The following ANKRD11 variants were observed in gnomAD, a reference collection of about 807,000 sequenced individuals.
The protein encoded by ANKRD11 is ankyrin repeat domain 11.
A neutral mutation model predicts 195.7 loss-of-function variants in ANKRD11; 17 were observed. The observed-to-expected ratio is 0.09, with a 90% CI of 0.06 to 0.13. ANKRD11 has a LOEUF of 0.13. Ranked by LOEUF, ANKRD11 falls within the 10% of genes least tolerant of loss-of-function variation. The pLI is 1.00. For synonymous variants in ANKRD11, 1,953 were observed against 1,528.1 expected, an observed-to-expected ratio of 1.28 and a Z score of -6.49; for missense variants, 3,735 against 3,566.1, an observed-to-expected ratio of 1.05 and a Z score of -1.21.
rs377249565 is a variant in ANKRD11 at position 89,280,670 on chromosome 16, G to T, written c.5872C>A (p.Leu1958Ile). The change falls in exon 9 of 13, where the codon CTT (leucine) becomes ATT (isoleucine). Residue 1958 changes from leucine (L) to isoleucine (I), a missense_variant. Physicochemically the swap from Leu to Ile is conservative, Grantham distance 5. Transcript: ENST00000301030. Reference protein sequence around the residue: ...VEWAHPSEQALASSLIGGTSE... With the variant: ...VEWAHPSEQAIASSLIGGTSE... ...GTGCCCCCGATCAGGCTAGAGGCAA[G>T]CGCCTGCTCGGAGGGGTGGGCCCAC... The T allele has an allele frequency of 1.1e-5, 17 of 1,613,430 alleles. No individual in the cohort carries two copies. In the African/African-American group the frequency reaches 2.3e-4, roughly 21 times the overall value.
chr16:89,273,044 C>CAAAAAAAAAA (rs56277527), intron 11 of ANKRD11: 2 of 96,018 alleles, frequency 2.1e-5, no homozygotes, highest in African/African-American at 8.9e-5. Flanking sequence ...TAATGGGTAC[C>CAAAAAAAAAA]AAAAAAAAAA....
chr16:89,269,284 T>C (rs546976588), intron 12 of ANKRD11, among the ~76,000 whole-genome samples: 1 of 151,784 alleles, frequency 6.6e-6, no homozygotes, highest in African/African-American at 2.4e-5. Flanking sequence ...ACCTCCCGAG[T>C]AGCTGGGACT....
chr16:89,323,122 G>A (rs536553528), intron 2 of ANKRD11: 18 of 335,232 alleles, frequency 5.4e-5, no homozygotes, highest in Non-Finnish European at 8.1e-5. Flanking sequence ...GCTGTTGTGC[G>A]CTCCGTGGAA....
At chr16:89,314,180 G>C (rs896346692) in intron 3 of ANKRD11, among the ~76,000 whole-genome samples, 4 of 152,100 alleles carry the variant, frequency 2.6e-5, no homozygotes. Flanking sequence ...GGGTTATGGA[G>C]GGTGCAGAAG....
rs529980944 is a variant in ANKRD11 at position 89,459,178 on chromosome 16, G to C, written c.-145+31067C>G. 9 of 175,316 alleles carry C rather than the reference G, an allele frequency of 5.1e-5. No homozygotes were observed. In the South Asian group the frequency reaches 9.9e-4, roughly 19 times the overall value. The allele number at this position is 175,316 out of a possible 1,614,324, so 10.9% of individuals were successfully genotyped here. On this transcript the variant is annotated intron_variant, in intron 1 of 12. Coordinates refer to ENST00000301030, the MANE Select transcript of ANKRD11 (RefSeq NM_013275.6). ...CCTTCAAGGTTGGGCCAAGAGCATG[G>C]ATGGGAAAGGCAGATGTGCATCTGG... is the stretch of plus-strand genomic sequence containing the variant.
chr16:89,428,425 C>T (rs573816071), intron 1 of ANKRD11, among the ~76,000 whole-genome samples: 1 of 151,962 alleles, frequency 6.6e-6, no homozygotes, highest in Non-Finnish European at 1.5e-5. Flanking sequence ...GCTGGGGAAG[C>T]TGAGGCAGGA....
intron 7 of ANKRD11, chr16:89,287,192 C>T (rs1033042176): frequency 2.9e-5 from 30 of 1,020,012 alleles, no homozygotes; most frequent in Non-Finnish European, 3.6e-5. Context: ...CCACACTCCT[C>T]GGCCCTCCTC....
intron 2 of ANKRD11, among the ~76,000 whole-genome samples, chr16:89,338,424 TAAAA>T (rs397854933): frequency 3.1e-5 from 4 of 127,008 alleles, no homozygotes; most frequent in East Asian, 2.2e-4. Flanking sequence ...TACACTCTGT[TAAAA>T]AAAAAAAAAA....
chr16:89,344,447 C>G (rs2038843424), intron 2 of ANKRD11, among the ~76,000 whole-genome samples: 1 of 152,212 alleles, frequency 6.6e-6, no homozygotes, highest in African/African-American at 2.4e-5. Context: ...GCTGTCCACA[C>G]ACTCCTAGAA....
intron 1 of ANKRD11, among the ~76,000 whole-genome samples, chr16:89,463,746 A>G (rs1342624162): frequency 1.3e-5 from 2 of 152,138 alleles, no homozygotes; most frequent in African/African-American, 4.8e-5. Context: ...AGTATTCCAC[A>G]GCAAATTGTC....
At chr16:89,268,782 T>C in intron 12 of ANKRD11, 119 bp from the exon 13 acceptor site, 1 of 1,201,434 alleles carries the variant, frequency 8.3e-7, no homozygotes, top group South Asian at 1.4e-5. Context: ...TACCCTGGTA[T>C]GGGCCAGGCC....
At chr16:89,394,111 G>C (rs986044860) in intron 2 of ANKRD11, among the ~76,000 whole-genome samples, 1 of 152,144 alleles carries the variant, frequency 6.6e-6, no homozygotes, top group Admixed American at 6.5e-5. Context: ...CACAGTCCCA[G>C]GTTCCAGGCA....
intron 1 of ANKRD11, among the ~76,000 whole-genome samples, chr16:89,421,041 G>A (rs929497681): frequency 6.6e-6 from 1 of 152,376 alleles, no homozygotes; most frequent in South Asian, 2.1e-4. Flanking sequence ...AGACCATGGA[G>A]ACATGAAGGG....
chr16:89,300,712 G>A (rs1296257930), intron 4 of ANKRD11: 4 of 540,468 alleles, frequency 7.4e-6, no homozygotes, highest in Non-Finnish European at 1.3e-5. Context: ...CATGACGTCA[G>A]GAAAAGACTG....
chr16:89,396,652 A>G (rs556024696), intron 2 of ANKRD11, among the ~76,000 whole-genome samples: 6 of 152,214 alleles, frequency 3.9e-5, no homozygotes, highest in East Asian at 1.9e-4. Context: ...GGTTTGTACA[A>G]TTTTAAGGAA....
intron 1 of ANKRD11, among the ~76,000 whole-genome samples, chr16:89,445,436 A>T (rs1203283688): frequency 2.0e-5 from 3 of 152,056 alleles, no homozygotes; most frequent in Admixed American, 2.0e-4. Flanking sequence ...CACACCTCTC[A>T]TGGACGTCAC....
At chr16:89,370,819 A>T (rs1597814615) in intron 2 of ANKRD11, 2 of 151,834 alleles carry the variant, frequency 1.3e-5, no homozygotes, top group Admixed American at 6.6e-5. Flanking sequence ...GCCCCAGACG[A>T]CCCCCAGGCC....
intron 4 of ANKRD11, among the ~76,000 whole-genome samples, chr16:89,302,724 C>T (rs1393911886): frequency 2.0e-5 from 3 of 152,170 alleles, no homozygotes; most frequent in African/African-American, 7.2e-5. Context: ...ACAAATACTA[C>T]GTTTCTTAGG....
intron 1 of ANKRD11, among the ~76,000 whole-genome samples, chr16:89,441,746 A>G (rs569955740): frequency 5.9e-4 from 80 of 135,850 alleles, no homozygotes; most frequent in African/African-American, 1.1e-3. Flanking sequence ...CAGCCTGGGC[A>G]ACAGAGCGAG....
Sources: gnomAD v4.1 joint callset for allele counts (sites outside exome capture counted in the v4.1 genomes callset) on GRCh38, gnomAD v4.1.1 for gene constraint, MANE v1.5 for transcripts, NCBI Gene and HGNC (gene_info 2026-07-23, HGNC 2026-07-21) for gene names.